The following PEPD variants were observed in gnomAD, a reference collection of about 807,000 sequenced individuals.
PEPD encodes the protein peptidase D, also known as xaa-Pro dipeptidase.
In PEPD, 53 loss-of-function variants were observed where a neutral mutation model predicts 60.7. The ratio of observed to expected loss-of-function variants is 0.87; its 90% CI spans 0.70 to 1.10. The LOEUF (loss-of-function observed/expected upper bound fraction) is 1.10, where lower values mean the gene tolerates loss of function less well. Among genes scored for constraint, PEPD ranks in the 50% least tolerant of loss-of-function variants. The pLI is 0.00. For synonymous variants in PEPD, 267 were observed against 284.1 expected (o/e 0.94, Z 0.60); for missense variants, 711 against 711.9 (o/e 1.00, Z 0.01).
At chr19:33,437,204 C>T (rs911072874) in intron 9 of PEPD, among the ~76,000 whole-genome samples, 1 of 152,172 alleles carries the variant, frequency 6.6e-6, no homozygotes, top group Non-Finnish European at 1.5e-5. Flanking sequence ...GCACACTACT[C>T]TGAATGTTAG....
intron 9 of PEPD, among the ~76,000 whole-genome samples, chr19:33,417,711 G>A (rs909485058): frequency 2.6e-5 from 4 of 152,216 alleles, no homozygotes; most frequent in Non-Finnish European, 4.4e-5. Flanking sequence ...GAGGCCTGGA[G>A]GGAGGCTGGA....
intron 9 of PEPD, among the ~76,000 whole-genome samples, chr19:33,440,915 G>A (rs11669066): frequency 0.075 from 11,474 of 152,252 alleles, 534 homozygotes; most frequent in Non-Finnish European, 0.11. Flanking sequence ...CACCAGCCAG[G>A]TGACAGGGCA....
chr19:33,485,491 T>TAAAAAAAAAAAAAAAAAAAAAA (rs908651690), intron 6 of PEPD, among the ~76,000 whole-genome samples: 14 of 110,952 alleles, frequency 1.3e-4, no homozygotes, highest in African/African-American at 4.7e-4. Flanking sequence ...AGACTCTGTC[T>TAAAAAAAAAAAAAAAAAAAAAA]AAAAAAAAAA....
chr19:33,456,105 T>C (rs1969793890), intron 9 of PEPD, among the ~76,000 whole-genome samples: 1 of 152,122 alleles, frequency 6.6e-6, no homozygotes, highest in South Asian at 2.1e-4. Context: ...AGAGGCAAAA[T>C]GAGCCATCCC....
chr19:33,451,623 G>A (rs552299084), intron 9 of PEPD, among the ~76,000 whole-genome samples: 36 of 152,252 alleles, frequency 2.4e-4, no homozygotes, highest in African/African-American at 3.1e-4. Flanking sequence ...CTCCTAACAC[G>A]GGGAGGCTCT....
chr19:33,505,359 T>C (rs1330743831), intron 3 of PEPD, among the ~76,000 whole-genome samples: 2 of 151,948 alleles, frequency 1.3e-5, no homozygotes, highest in African/African-American at 4.8e-5. Context: ...GTGACGCAGG[T>C]GCCTATGCCC....
At position 33,387,412 on chromosome 19, in the gene PEPD, C is replaced by T. The variant is rs200072143; in HGVS notation, c.1414G>A (p.Val472Met). The change falls in exon 15 of 15, where the codon GTG becomes ATG. Residue 472 changes from valine (V) to methionine (M), a missense_variant. Transcript: ENST00000244137. ...IELLTCVPRT[V>M]EEIEACMAGC... is the part of the protein sequence containing the mutation. ...GCCATGCATGCTTCAATCTCTTCCA[C>T]AGTGCGGGGCACGCAGGTCAGCAGC... 553 of 1,613,964 alleles carry T rather than the reference C, an allele frequency of 3.4e-4. No homozygotes were observed. Among genetic ancestry groups the T allele is most frequent in the Non-Finnish European group, 4.4e-4 (525 of 1,180,056 alleles).
intron 12 of PEPD, among the ~76,000 whole-genome samples, chr19:33,395,801 G>A (rs1460929958): frequency 6.6e-6 from 1 of 152,250 alleles, no homozygotes; most frequent in Non-Finnish European, 1.5e-5. Flanking sequence ...CCTCGGGATG[G>A]ATGGGTGTGA....
At chr19:33,436,521 C>A (rs947842584) in intron 9 of PEPD, among the ~76,000 whole-genome samples, 2 of 152,188 alleles carry the variant, frequency 1.3e-5, no homozygotes, top group African/African-American at 4.8e-5. Context: ...AGGCCGCACT[C>A]GAGAGACCCA....
At chr19:33,440,211 C>T (rs1275251211) in intron 9 of PEPD, among the ~76,000 whole-genome samples, 1 of 152,044 alleles carries the variant, frequency 6.6e-6, no homozygotes, top group Non-Finnish European at 1.5e-5. Context: ...ACTCTTCTCC[C>T]TGTCTTCCCC....
chr19:33,396,459 A>G (rs1600080523), intron 12 of PEPD, among the ~76,000 whole-genome samples: 1 of 151,992 alleles, frequency 6.6e-6, no homozygotes, highest in African/African-American at 2.4e-5. Flanking sequence ...GGAGGTGGGG[A>G]CACTTCCTGC....
intron 9 of PEPD, among the ~76,000 whole-genome samples, chr19:33,425,607 G>A (rs577845765): frequency 3.9e-5 from 6 of 152,268 alleles, no homozygotes; most frequent in Admixed American, 1.3e-4. Flanking sequence ...ATCTTGAAGC[G>A]CTAATGTCTG....
At chr19:33,469,777 C>T (rs1252044588) in intron 7 of PEPD, among the ~76,000 whole-genome samples, 1 of 152,124 alleles carries the variant, frequency 6.6e-6, no homozygotes, top group East Asian at 1.9e-4. Flanking sequence ...CCCTAACCGT[C>T]CTTGCCTTGG....
chr19:33,453,039 T>A (rs1194349185), intron 9 of PEPD, among the ~76,000 whole-genome samples: 1 of 152,142 alleles, frequency 6.6e-6, no homozygotes, highest in African/African-American at 2.4e-5. Flanking sequence ...ATAACAACAA[T>A]GGCCAGGCAT....
intron 3 of PEPD, among the ~76,000 whole-genome samples, chr19:33,502,959 G>GGGC (rs1970738966): frequency 7.1e-6 from 1 of 140,860 alleles, no homozygotes; most frequent in Non-Finnish European, 1.6e-5. Flanking sequence ...GGGCGGGGGG[G>GGGC]GGTGTTGTGG....
intron 7 of PEPD, among the ~76,000 whole-genome samples, chr19:33,465,418 G>A (rs1317359726): frequency 6.6e-6 from 1 of 152,078 alleles, no homozygotes; most frequent in African/African-American, 2.4e-5. Context: ...GTGGATGCTG[G>A]GTGCACTGCC....
intron 9 of PEPD, among the ~76,000 whole-genome samples, chr19:33,436,844 G>A (rs753796373): frequency 3.9e-5 from 6 of 152,196 alleles, no homozygotes; most frequent in African/African-American, 7.2e-5. Flanking sequence ...CATTGGGTCC[G>A]AGCACCAGCC....
In PEPD at chr19:33,387,912, T is replaced by C. The variant is rs1050822410; in HGVS notation, c.1322A>G (p.Gln441Arg). ...RASFLNREVL[Q>R]RFRGFGGVRI... ...CACCCCGCCAAAACCGCGAAAGCGC[T>C]GCAGGACCTCGCGGTTAAGGAAGGA... Residue 441 changes from glutamine to arginine, a missense_variant, in exon 14 of 15, where the codon CAG becomes CGG. Gln to Arg is a conservative substitution (Grantham distance 43). Coordinates refer to ENST00000244137, the MANE Select transcript of PEPD (RefSeq NM_000285.4). 1.6e-5 allele frequency: 25 copies of C among 1,583,588 alleles called. No individual in the cohort carries two copies. The highest frequency in any genetic ancestry group is 6.7e-5 in the African/African-American group (5 of 74,502).
chr19:33,403,085 G>A (rs1169732523), intron 11 of PEPD, among the ~76,000 whole-genome samples: 1 of 152,196 alleles, frequency 6.6e-6, no homozygotes, highest in East Asian at 1.9e-4. Flanking sequence ...CTGGCTCTCA[G>A]GACTCCCCGG....
Sources: allele counts gnomAD v4.1 joint callset (sites outside exome capture counted in the v4.1 genomes callset), GRCh38; gene constraint gnomAD v4.1.1; transcripts MANE v1.5; gene names NCBI Gene and HGNC (gene_info 2026-07-23, HGNC 2026-07-21).